Variants in LRRTM3 observed in about 807,000 individuals in gnomAD.
LRRTM3 encodes leucine rich repeat transmembrane neuronal 3, also known as leucine-rich repeat transmembrane neuronal protein 3.
LRRTM3 carries 24 observed loss-of-function variants against 44.7 expected under a neutral mutation model. The ratio of observed to expected loss-of-function variants is 0.54; its 90% CI spans 0.39 to 0.76. LRRTM3 has a LOEUF of 0.76. LRRTM3 is among the 30% of genes least tolerant of loss of function. The pLI is 0.00. For missense variants in LRRTM3, 587 were observed against 702.2 expected, an observed-to-expected ratio of 0.84 and a Z score of 1.85; for synonymous variants, 277 against 278.7, an observed-to-expected ratio of 0.99 and a Z score of 0.06.
chr10:66,960,893 G>A (rs1238949251), intron 2 of LRRTM3, among the ~76,000 whole-genome samples: 2 of 152,132 alleles, frequency 1.3e-5, no homozygotes, highest in East Asian at 3.9e-4. Flanking sequence ...TCTTGAGAGT[G>A]ACCCTAAAAT....
chr10:66,928,487 G>C (rs755254733), intron 2 of LRRTM3, 35 bp downstream of exon 2: 10 of 1,541,896 alleles, frequency 6.5e-6, no homozygotes, highest in Non-Finnish European at 8.7e-6. Flanking sequence ...GCTCTTAAAA[G>C]CTGGGAAATA....
intron 2 of LRRTM3, among the ~76,000 whole-genome samples, chr10:67,009,334 C>T (rs1852187398): frequency 6.6e-6 from 1 of 151,304 alleles, no homozygotes; most frequent in Middle Eastern, 3.4e-3. Context: ...GGATTTTTTT[C>T]AAAGCTTTTC....
rs1589632519 is a variant in LRRTM3, at chr10:67,031,374, A to G, written c.1537-66213A>G. The stretch of plus-strand genomic sequence containing the variant: ...ATAGAAAAAATCAGTGTCAGATCTA[A>G]GAATATCATTCTTCGTCTTCACTTC... On this transcript the variant is annotated intron_variant, in intron 2 of 2. Coordinates refer to ENST00000361320, the MANE Select transcript of LRRTM3 (RefSeq NM_178011.5). 2.0e-5 allele frequency among the ~76,000 whole-genome samples: 3 copies of G among 152,214 alleles called. No homozygotes were observed. The East Asian group carries it at 5.8e-4, about 29-fold the overall frequency.
chr10:66,990,861 T>C (rs893122204), intron 2 of LRRTM3, among the ~76,000 whole-genome samples: 1 of 152,202 alleles, frequency 6.6e-6, no homozygotes, highest in African/African-American at 2.4e-5. Flanking sequence ...CATGGGCATC[T>C]TTAGCATGTC....
At chr10:67,093,896 A>G (rs1857810936) in intron 2 of LRRTM3, among the ~76,000 whole-genome samples, 1 of 152,024 alleles carries the variant, frequency 6.6e-6, no homozygotes, top group Admixed American at 6.6e-5. Flanking sequence ...CTATAATTTG[A>G]AAGGGACGGA....
intron 2 of LRRTM3, among the ~76,000 whole-genome samples, chr10:66,952,540 T>C (rs1848587710): frequency 6.8e-6 from 1 of 146,220 alleles, no homozygotes; most frequent in Non-Finnish European, 1.5e-5. Context: ...TGTGTATTTA[T>C]GTGTGTGTGT....
At chr10:67,026,751 T>C (rs1052032237) in intron 2 of LRRTM3, among the ~76,000 whole-genome samples, 11 of 152,230 alleles carry the variant, frequency 7.2e-5, no homozygotes, top group Non-Finnish European at 1.5e-4. Flanking sequence ...TGTCTGGTTC[T>C]TAGTTGTTCA....
intron 2 of LRRTM3, among the ~76,000 whole-genome samples, chr10:66,960,299 C>A (rs761494557): frequency 7.9e-5 from 12 of 152,080 alleles, no homozygotes; most frequent in Non-Finnish European, 1.2e-4. Context: ...AATCATGGAG[C>A]ATTTTTGCAT....
intron 2 of LRRTM3, among the ~76,000 whole-genome samples, chr10:67,004,883 G>A (rs1256139792): frequency 2.6e-5 from 4 of 152,246 alleles, no homozygotes; most frequent in South Asian, 4.1e-4. Flanking sequence ...CCAGCCAAAA[G>A]GGAAATAACT....
intron 2 of LRRTM3, among the ~76,000 whole-genome samples, chr10:67,005,680 A>ATATTTTTTTTTTTT (rs1564825972): frequency 3.8e-5 from 1 of 26,370 alleles, no homozygotes; most frequent in Non-Finnish European, 1.1e-4. Flanking sequence ...ATTTTACTCC[A>ATATTTTTTTTTTTT]TCTTTTTTTT....
At chr10:67,087,135 C>T (rs892613510) in intron 2 of LRRTM3, among the ~76,000 whole-genome samples, 3 of 152,018 alleles carry the variant, frequency 2.0e-5, no homozygotes, top group Admixed American at 6.6e-5. Flanking sequence ...AGGCACTGGG[C>T]TGTGCAGAAA....
At chr10:67,044,044 C>T (rs1854574549) in intron 2 of LRRTM3, among the ~76,000 whole-genome samples, 1 of 151,834 alleles carries the variant, frequency 6.6e-6, no homozygotes. Context: ...TCCCATCACC[C>T]AGGTAGTAAA....
intron 2 of LRRTM3, among the ~76,000 whole-genome samples, chr10:66,978,552 A>AAAAAAAAAAAATATATATATATATATAT: frequency 2.6e-5 from 1 of 37,866 alleles, no homozygotes; most frequent in Non-Finnish European, 4.8e-5. Context: ...AAAAAAAAAA[A>AAAAAAAAAAAATATATATATATATATAT]ATATATATAT....
intron 2 of LRRTM3, among the ~76,000 whole-genome samples, chr10:66,936,939 G>C (rs1389221079): frequency 6.6e-6 from 1 of 152,162 alleles, no homozygotes; most frequent in East Asian, 1.9e-4. Flanking sequence ...GTTGGGGAAA[G>C]TTCTTCTTAG....
intron 2 of LRRTM3, among the ~76,000 whole-genome samples, chr10:67,024,287 C>A (rs1414847092): frequency 6.6e-6 from 1 of 152,232 alleles, no homozygotes; most frequent in East Asian, 1.9e-4. Flanking sequence ...CTCGTAGAGT[C>A]TGACTTTACT....
chr10:66,959,867 A>G (rs1251350328), intron 2 of LRRTM3, among the ~76,000 whole-genome samples: 1 of 152,146 alleles, frequency 6.6e-6, no homozygotes, highest in African/African-American at 2.4e-5. Flanking sequence ...TTCTTCTACC[A>G]AAGCCATTTG....
chr10:67,035,552 C>A (rs923110335), intron 2 of LRRTM3, among the ~76,000 whole-genome samples: 1 of 151,936 alleles, frequency 6.6e-6, no homozygotes. Context: ...AATTCTAACT[C>A]GGAGAACTTT....
chr10:67,018,564 T>C (rs1041786508), intron 2 of LRRTM3, among the ~76,000 whole-genome samples: 5 of 152,206 alleles, frequency 3.3e-5, no homozygotes, highest in African/African-American at 7.2e-5. Context: ...AGAGCAGTAA[T>C]AGACAGACCT....
At chr10:66,968,417 TA>T (rs141136660) in intron 2 of LRRTM3, among the ~76,000 whole-genome samples, 26,138 of 149,568 alleles carry the variant, frequency 0.17, 2,427 homozygotes, top group African/African-American at 0.19. Context: ...GGAAAGAAAT[TA>T]AAAAAAAGAG....
Sources: allele counts gnomAD v4.1 joint callset (sites outside exome capture counted in the v4.1 genomes callset), GRCh38; gene constraint gnomAD v4.1.1; transcripts MANE v1.5; gene names NCBI Gene and HGNC (gene_info 2026-07-23, HGNC 2026-07-21).